The following KCNIP4 variants were observed in gnomAD, a reference collection of about 807,000 sequenced individuals.
The protein encoded by KCNIP4 is Kv channel-interacting protein 4.
KCNIP4 carries 12 observed loss-of-function variants against 34.0 expected under a neutral mutation model. That is an observed-to-expected ratio of 0.35 (90% confidence interval 0.23 to 0.57). KCNIP4 has a LOEUF of 0.57. KCNIP4 is among the 20% of genes least tolerant of loss of function. The probability of loss-of-function intolerance (pLI) is 0.83; values close to 1 mark genes in which losing one functional copy is unlikely to be tolerated. For missense variants in KCNIP4, 238 were observed against 311.7 expected (o/e 0.76, Z 1.78); for synonymous variants, 124 against 102.2 (o/e 1.21, Z -1.29).
chr4:21,348,460 T>C (rs1485445314), intron 1 of KCNIP4, among the ~76,000 whole-genome samples: 3 of 152,288 alleles, frequency 2.0e-5, no homozygotes, highest in African/African-American at 7.2e-5. Context: ...GCATAGGGAA[T>C]GCAGCATTCT....
intron 1 of KCNIP4, among the ~76,000 whole-genome samples, chr4:21,478,148 C>G (rs1339117217): frequency 2.0e-5 from 3 of 151,958 alleles, no homozygotes; most frequent in Non-Finnish European, 4.4e-5. Context: ...ATGTTTTGGA[C>G]TTTTCCTTTC....
intron 1 of KCNIP4, among the ~76,000 whole-genome samples, chr4:20,948,681 C>A (rs1228351484): frequency 6.6e-6 from 1 of 152,192 alleles, no homozygotes; most frequent in Non-Finnish European, 1.5e-5. Context: ...GTCAATAAAA[C>A]CTGTTAGTCA....
chr4:21,822,965 C>T (rs931251344), intron 1 of KCNIP4, among the ~76,000 whole-genome samples: 6 of 152,076 alleles, frequency 3.9e-5, no homozygotes, highest in African/African-American at 1.4e-4. Context: ...GATCCACCCT[C>T]TTCAGCCTCC....
At chr4:21,512,734 C>G (rs1287152354) in intron 1 of KCNIP4, among the ~76,000 whole-genome samples, 14 of 152,152 alleles carry the variant, frequency 9.2e-5, no homozygotes, top group Admixed American at 9.2e-4. Context: ...TATGCATTGG[C>G]TTAGCTGAAG....
At chr4:20,967,504 G>A (rs1358237073) in intron 1 of KCNIP4, among the ~76,000 whole-genome samples, 1 of 152,174 alleles carries the variant, frequency 6.6e-6, no homozygotes, top group Non-Finnish European at 1.5e-5. Flanking sequence ...AAAGCTGGAG[G>A]CATCATGCTA....
Position 21,555,887 on chromosome 4 carries a change from T to C in KCNIP4, c.61+392684A>G, listed in dbSNP as rs142329119. ...TCTCAACTCCAGATTCAGGTCCAGT[T>C]TGCTGGTCCATCAGAGGCTGGAAGC... On this transcript the variant is annotated intron_variant, in intron 1 of 8. Transcript: ENST00000382152. 1.8e-3 allele frequency among the ~76,000 whole-genome samples: 274 copies of C among 152,224 alleles called. 1 individual carries two copies. Among genetic ancestry groups the C allele is most frequent in the African/African-American group, 6.4e-3 (267 of 41,546 alleles).
At chr4:21,246,729 C>T (rs527903096) in intron 1 of KCNIP4, among the ~76,000 whole-genome samples, 55 of 152,118 alleles carry the variant, frequency 3.6e-4, no homozygotes, top group African/African-American at 1.3e-3. Flanking sequence ...GTAACAGATC[C>T]ACCACTGAGT....
intron 1 of KCNIP4, among the ~76,000 whole-genome samples, chr4:21,556,148 G>A (rs1738985643): frequency 6.6e-6 from 1 of 152,220 alleles, no homozygotes; most frequent in African/African-American, 2.4e-5. Flanking sequence ...AGTAAAAATG[G>A]ATTTTGAGAA....
At chr4:21,368,218 C>G (rs1201730671) in intron 1 of KCNIP4, among the ~76,000 whole-genome samples, 1 of 134,734 alleles carries the variant, frequency 7.4e-6, no homozygotes, top group Admixed American at 7.3e-5. Context: ...ATTAGAATGA[C>G]TAGAATTTAA....
chr4:21,937,583 A>G (rs187512041), intron 1 of KCNIP4, among the ~76,000 whole-genome samples: 38 of 152,178 alleles, frequency 2.5e-4, no homozygotes, highest in African/African-American at 7.9e-4. Flanking sequence ...CCCAATACCT[A>G]TTGGGCATCT....
At chr4:21,225,653 G>A (rs1240690682) in intron 1 of KCNIP4, among the ~76,000 whole-genome samples, 1 of 152,142 alleles carries the variant, frequency 6.6e-6, no homozygotes, top group Non-Finnish European at 1.5e-5. Flanking sequence ...GCTGGGTGCA[G>A]TAACATGAGC....
chr4:20,755,238 G>A (rs1754291144), intron 4 of KCNIP4, among the ~76,000 whole-genome samples: 1 of 152,048 alleles, frequency 6.6e-6, no homozygotes, highest in Non-Finnish European at 1.5e-5. Flanking sequence ...TCTTTTAAAA[G>A]TCCACCGAAA....
chr4:21,514,684 G>A (rs1397367112), intron 1 of KCNIP4, among the ~76,000 whole-genome samples: 1 of 152,072 alleles, frequency 6.6e-6, no homozygotes, highest in Non-Finnish European at 1.5e-5. Flanking sequence ...AAAGTAAAAG[G>A]AGGGATAGAA....
chr4:21,389,408 T>A (rs1266377662), intron 1 of KCNIP4, among the ~76,000 whole-genome samples: 1 of 151,178 alleles, frequency 6.6e-6, no homozygotes, highest in African/African-American at 2.4e-5. Context: ...ACCCATTAAC[T>A]TGTCATTTAC....
chr4:21,566,470 C>G (rs1336999614), intron 1 of KCNIP4, among the ~76,000 whole-genome samples: 1 of 152,058 alleles, frequency 6.6e-6, no homozygotes, highest in African/African-American at 2.4e-5. Context: ...TAGCACCTCC[C>G]CCTTCGCTCT....
At chr4:20,829,989 A>G (rs1718225260) in intron 3 of KCNIP4, among the ~76,000 whole-genome samples, 3 of 152,160 alleles carry the variant, frequency 2.0e-5, no homozygotes, top group Admixed American at 1.3e-4. Context: ...TCTCCAAGCA[A>G]GATGAGGCTC....
intron 1 of KCNIP4, among the ~76,000 whole-genome samples, chr4:21,263,110 A>G (rs567945620): frequency 3.3e-5 from 5 of 152,292 alleles, no homozygotes; most frequent in African/African-American, 1.2e-4. Flanking sequence ...GCTTGACTAT[A>G]AGGGTAGCAT....
chr4:20,784,563 G>T (rs1711680879), intron 3 of KCNIP4, among the ~76,000 whole-genome samples: 2 of 152,104 alleles, frequency 1.3e-5, no homozygotes, highest in South Asian at 4.1e-4. Flanking sequence ...AACTGTTAAA[G>T]ATTCCTCTTT....
intron 1 of KCNIP4, chr4:21,845,360 T>C (rs1400372194): frequency 1.3e-5 from 2 of 152,148 alleles, no homozygotes; most frequent in African/African-American, 4.8e-5. Flanking sequence ...AAATTTCATA[T>C]AATTTTCACA....
Sources: gnomAD v4.1 joint callset for allele counts (sites outside exome capture counted in the v4.1 genomes callset) on GRCh38, gnomAD v4.1.1 for gene constraint, MANE v1.5 for transcripts, NCBI Gene and HGNC (gene_info 2026-07-23, HGNC 2026-07-21) for gene names.